RAB8A: variants seen among roughly 807,000 people sequenced by gnomAD.
RAB8A encodes RAB8A, member RAS oncogene family.
A neutral mutation model predicts 29.2 loss-of-function variants in RAB8A; 5 were observed. That is an observed-to-expected ratio of 0.17 (90% CI 0.09 to 0.36). The LOEUF (loss-of-function observed/expected upper bound fraction) is 0.36, where lower values mean the gene tolerates loss of function less well. Among genes scored for constraint, RAB8A ranks in the 10% least tolerant of loss-of-function variants. RAB8A has a pLI of 1.00. For missense variants in RAB8A, 171 were observed against 272.2 expected (o/e 0.63, Z 2.62); for synonymous variants, 108 against 99.9 (o/e 1.08, Z -0.49).
At chr19:16,117,639 G>A (rs1218170280) in intron 1 of RAB8A, among the ~76,000 whole-genome samples, 1 of 152,162 alleles carries the variant, frequency 6.6e-6, no homozygotes, top group Non-Finnish European at 1.5e-5. Context: ...GGGGAAAGGG[G>A]ATGAAAGCGG....
rs767803879 is a variant in RAB8A, at chr19:16,122,471, T to C, written c.246+661T>C. ...CCTGGCTTGCCCACTGAGCTCCATCTCCTGACTTGGAAAAGGGAACGGAGC... is the reference window on the plus strand; with the variant it reads ...CCTGGCTTGCCCACTGAGCTCCATCCCCTGACTTGGAAAAGGGAACGGAGC... On this transcript the variant is annotated intron_variant, in intron 3 of 7. Coordinates refer to ENST00000300935, the MANE Select transcript of RAB8A (RefSeq NM_005370.5). This position sits in a 1 kb window ranked among gnomAD's most constrained non-coding sequence, Gnocchi z 4.7. Among the ~76,000 whole-genome samples, 11 of 152,154 alleles carry C rather than the reference T, an allele frequency of 7.2e-5. No homozygotes were observed. Among genetic ancestry groups the C allele is most frequent in the Non-Finnish European group, 4.4e-5 (3 of 68,018 alleles).
At chr19:16,120,313 AT>A (rs546591257) in intron 2 of RAB8A, among the ~76,000 whole-genome samples, 20,177 of 130,256 alleles carry the variant, frequency 0.15, 1,272 homozygotes, top group Middle Eastern at 0.2. Flanking sequence ...GTCACCTTTA[AT>A]TTTTTTTTTT....
rs2090929662 is a variant in RAB8A, at chr19:16,132,398, C to A, written c.*94C>A. 1.6e-6 allele frequency: 2 copies of A among 1,279,284 alleles called. No homozygotes were observed. The highest frequency in any genetic ancestry group is 2.2e-5 in the Admixed American group (1 of 46,124). 79.2% of individuals were successfully genotyped at this position (1,279,284 alleles called of 1,614,324 possible). ...TCAGCCGGGGCCCTCCCACCTCCAA[C>A]GCCCCGCCCACGCCGCGGCCACCGG... On this transcript the variant is annotated 3_prime_UTR_variant, in exon 8 of 8. Transcript: ENST00000300935. The surrounding 1 kb of genome is among the most constrained non-coding windows in gnomAD (Gnocchi z 5.6).
chr19:16,113,282 C>G (rs774198678), intron 1 of RAB8A, among the ~76,000 whole-genome samples: 1 of 152,208 alleles, frequency 6.6e-6, no homozygotes, highest in Non-Finnish European at 1.5e-5. Flanking sequence ...TCAAGAAAAC[C>G]TAGGGAATGG....
intron 1 of RAB8A, among the ~76,000 whole-genome samples, chr19:16,117,040 T>G (rs2090849023): frequency 6.6e-6 from 1 of 152,204 alleles, no homozygotes; most frequent in African/African-American, 2.4e-5. Flanking sequence ...TGACCTTTAG[T>G]GTCTGGCTTC....
chr19:16,132,333 C>T lies in RAB8A; in HGVS notation c.*29C>T. On this transcript the variant is annotated 3_prime_UTR_variant, in exon 8 of 8. Coordinates refer to ENST00000300935, the MANE Select transcript of RAB8A (RefSeq NM_005370.5). The surrounding 1 kb of genome is among the most constrained non-coding windows in gnomAD (Gnocchi z 5.6). ...ACACCGCCTTACTCTGAGCCTCGCT[C>T]AGCCCAGCTGACTGTGCCTGTTCTG... The T allele has an allele frequency of 6.2e-7, 1 of 1,606,148 alleles. No homozygotes were observed. Among genetic ancestry groups the T allele is most frequent in the Non-Finnish European group, 8.5e-7 (1 of 1,175,444 alleles).
rs1426684572 is a variant in RAB8A at position 16,125,041 on chromosome 19, C to T, written c.247-429C>T. The T allele has an allele frequency of 1.9e-5, 5 of 265,262 alleles. No individual in the cohort carries two copies. The highest frequency in any genetic ancestry group is 4.5e-5 in the Admixed American group (1 of 22,334). The allele number at this position is 265,262 out of a possible 1,614,324, so 16.4% of individuals were successfully genotyped here. On this transcript the variant is annotated intron_variant, in intron 3 of 7. Coordinates refer to ENST00000300935, the MANE Select transcript of RAB8A (RefSeq NM_005370.5). This position sits in a 1 kb window ranked among gnomAD's most constrained non-coding sequence, Gnocchi z 5.0. ...TGCCTGGTAGGTGGCTCAGGCAGAGCGTGGGGTGAGCAAGGGGTGAAGAGG... is the reference window on the plus strand; with the variant it reads ...TGCCTGGTAGGTGGCTCAGGCAGAGTGTGGGGTGAGCAAGGGGTGAAGAGG...
Position 16,132,563 on chromosome 19 carries a change from A to T in RAB8A, c.*259A>T, listed in dbSNP as rs1029702032. 21 of 482,978 alleles carry T rather than the reference A, an allele frequency of 4.3e-5. No individual in the cohort carries two copies. The highest frequency in any genetic ancestry group is 7.9e-5 in the Non-Finnish European group (21 of 264,540). The allele number at this position is 482,978 out of a possible 1,614,324, so 29.9% of individuals were successfully genotyped here. The stretch of plus-strand genomic sequence containing the variant: ...CTGAACGGGCCCACCCACACGTTGT[A>T]TATTCAGAGAGAGAGAGGGAGTCAA... On this transcript the variant is annotated 3_prime_UTR_variant, in exon 8 of 8. Transcript: ENST00000300935. The surrounding 1 kb of genome is among the most constrained non-coding windows in gnomAD (Gnocchi z 5.6).
chr19:16,132,286 C>T lies in RAB8A; in HGVS notation c.606C>T (p.Phe202=), dbSNP rs200005172. 1 of 1,613,990 alleles carries T rather than the reference C, an allele frequency of 6.2e-7. No homozygotes were observed. The highest frequency in any genetic ancestry group is 1.3e-5 in the African/African-American group (1 of 75,016). ...TPDQQKRSSF[F]RCVLL is the part of the protein sequence containing the mutation. The stretch of plus-strand genomic sequence containing the variant: ...ACCAGCAGAAGAGGAGCAGCTTTTT[C>T]CGATGTGTTCTTCTGTGAGGAACAC... Residue 202 remains phenylalanine, a synonymous_variant, in exon 8 of 8, where the codon TTC becomes TTT. Coordinates refer to ENST00000300935, the MANE Select transcript of RAB8A (RefSeq NM_005370.5). The surrounding 1 kb of genome is among the most constrained non-coding windows in gnomAD (Gnocchi z 5.6).
chr19:16,118,258 G>A lies in RAB8A; in HGVS notation c.157G>A (p.Asp53Asn), dbSNP rs1599395321. 4.3e-6 allele frequency: 7 copies of A among 1,611,210 alleles called. No individual in the cohort carries two copies. Among genetic ancestry groups the A allele is most frequent in the South Asian group, 1.1e-5 (1 of 91,058 alleles). ...CTTTAAAATTAGGACCATAGAGCTC[G>A]ATGGCAAGAGAATTAAACTGCAGAT... ...IDFKIRTIELDGKRIKLQIWD... is the reference protein window; with the variant it reads ...IDFKIRTIELNGKRIKLQIWD... Residue 53 changes from aspartate to asparagine, a missense_variant, in exon 2 of 8, where the codon GAT (aspartate) becomes AAT (asparagine). By Grantham distance (23) the Asp-to-Asn change is conservative. Around this residue, in one of 3 missense-constraint regions of RAB8A, gnomAD observed 145 missense variants for 212.8 expected, o/e 0.68. Transcript: ENST00000300935.
At chr19:16,128,493 G>C (rs753459820) in intron 6 of RAB8A, among the ~76,000 whole-genome samples, 1 of 152,132 alleles carries the variant, frequency 6.6e-6, no homozygotes, top group Non-Finnish European at 1.5e-5. Flanking sequence ...GATGGGACCT[G>C]GGCCCATGCC....
chr19:16,112,032 G>A lies in RAB8A; in HGVS notation c.124+7G>A, dbSNP rs1335045693. 6.2e-7 allele frequency: 1 copy of A among 1,613,536 alleles called. No individual in the cohort carries two copies. On this transcript the variant is annotated splice_region_variant and intron_variant, in intron 1 of 7. Coordinates refer to ENST00000300935, the MANE Select transcript of RAB8A (RefSeq NM_005370.5). ...ACTTTTATCTCCACCATAGGTAACG[G>A]GACCGGGGAATGGCTGGGGGCGCCG...
intron 3 of RAB8A, among the ~76,000 whole-genome samples, chr19:16,123,221 A>C (rs1266716115): frequency 1.3e-5 from 2 of 152,240 alleles, no homozygotes; most frequent in Non-Finnish European, 2.9e-5. Flanking sequence ...ACCAGCACCA[A>C]GATGATCGTG....
In RAB8A at chr19:16,132,417, C is replaced by A; in HGVS notation, c.*113C>A. The A allele has an allele frequency of 1.1e-6, 1 of 898,268 alleles. No individual in the cohort carries two copies. Among genetic ancestry groups the A allele is most frequent in the Non-Finnish European group, 1.7e-6 (1 of 584,342 alleles). 55.6% of individuals were successfully genotyped at this position (898,268 alleles called of 1,614,324 possible). On this transcript the variant is annotated 3_prime_UTR_variant, in exon 8 of 8. Coordinates refer to ENST00000300935, the MANE Select transcript of RAB8A (RefSeq NM_005370.5). This position sits in a 1 kb window ranked among gnomAD's most constrained non-coding sequence, Gnocchi z 5.6. ...CTCCAACGCCCCGCCCACGCCGCGG[C>A]CACCGGGCCCACGGCCACCAGAATG...
At position 16,132,324 on chromosome 19, in the gene RAB8A, A is replaced by C. The variant is rs2090928965; in HGVS notation, c.*20A>C. On this transcript the variant is annotated 3_prime_UTR_variant, in exon 8 of 8. Coordinates refer to ENST00000300935, the MANE Select transcript of RAB8A (RefSeq NM_005370.5). This position sits in a 1 kb window ranked among gnomAD's most constrained non-coding sequence, Gnocchi z 5.6. The stretch of plus-strand genomic sequence containing the variant: ...CTGTGAGGAACACCGCCTTACTCTG[A>C]GCCTCGCTCAGCCCAGCTGACTGTG... The C allele has an allele frequency of 6.2e-6, 10 of 1,609,436 alleles. No homozygotes were observed. Among genetic ancestry groups the C allele is most frequent in the Non-Finnish European group, 8.5e-6 (10 of 1,177,560 alleles).
chr19:16,129,323 C>A (rs1326036421), intron 6 of RAB8A, among the ~76,000 whole-genome samples: 1 of 151,328 alleles, frequency 6.6e-6, no homozygotes, highest in Non-Finnish European at 1.5e-5. Context: ...AGGTGCTCTG[C>A]GGAAGTGAGA....
chr19:16,118,218 T>C lies in RAB8A; in HGVS notation c.125-8T>C, dbSNP rs2090855525. 6.2e-7 allele frequency: 1 copy of C among 1,606,472 alleles called. No individual in the cohort carries two copies. Among genetic ancestry groups the C allele is most frequent in the East Asian group, 2.2e-5 (1 of 44,884 alleles). ...ACAGTGACGTGCCTTTTTTCTTTTT[T>C]CTTTCAGGAATTGACTTTAAAATTA... is the stretch of plus-strand genomic sequence containing the variant. On this transcript the variant is annotated splice_polypyrimidine_tract_variant and splice_region_variant and intron_variant, in intron 1 of 7. Coordinates refer to ENST00000300935, the MANE Select transcript of RAB8A (RefSeq NM_005370.5).
Position 16,127,425 on chromosome 19 carries a change from C to T in RAB8A, c.325-12C>T, listed in dbSNP as rs1192784664. On this transcript the variant is annotated splice_polypyrimidine_tract_variant and intron_variant, in intron 4 of 7. Transcript: ENST00000300935. The surrounding 1 kb of genome is among the most constrained non-coding windows in gnomAD (Gnocchi z 4.8). ...TCCGGTCTGATCCCCCGTCTGTCCCCCTCCCTCTCAGCACGCCTCTGCAGA... is the reference window on the plus strand; with the variant it reads ...TCCGGTCTGATCCCCCGTCTGTCCCTCTCCCTCTCAGCACGCCTCTGCAGA... 6.8e-7 allele frequency: 1 copy of T among 1,471,760 alleles called. No homozygotes were observed. Among genetic ancestry groups the T allele is most frequent in the Non-Finnish European group, 9.0e-7 (1 of 1,109,704 alleles). 91.2% of individuals were successfully genotyped at this position (1,471,760 alleles called of 1,614,324 possible). A position where few individuals can be genotyped will look rare whatever the true frequency, so the allele number is the denominator to read the frequency against.
At position 16,128,014 on chromosome 19, in the gene RAB8A, C is replaced by G; in HGVS notation, c.415-12C>G. 2.5e-6 allele frequency: 4 copies of G among 1,614,090 alleles called. No homozygotes were observed. Among genetic ancestry groups the G allele is most frequent in the South Asian group, 2.2e-5 (2 of 91,090 alleles). ...GCTGGTGTGCTCATGCGTGTGCCTC[C>G]CTCTCTCACAGCTGGCCCTCGACTA... On this transcript the variant is annotated splice_polypyrimidine_tract_variant and intron_variant, in intron 5 of 7. Coordinates refer to ENST00000300935, the MANE Select transcript of RAB8A (RefSeq NM_005370.5).
Sources: gnomAD v4.1 joint callset for allele counts (sites outside exome capture counted in the v4.1 genomes callset) on GRCh38, gnomAD v4.1.1 for gene constraint, gnomAD v4.1.1 regional missense constraint, Gnocchi (gnomAD v3.1) non-coding constraint, MANE v1.5 for transcripts, NCBI Gene and HGNC (gene_info 2026-07-23, HGNC 2026-07-21) for gene names.